CNTNAP4: variants seen among roughly 807,000 people sequenced by gnomAD.
The protein encoded by CNTNAP4 is contactin associated protein family member 4.
CNTNAP4 carries 98 observed loss-of-function variants against 148.4 expected under a neutral mutation model. The observed-to-expected ratio is 0.66, with a 90% CI of 0.56 to 0.78. CNTNAP4 has a LOEUF of 0.78. CNTNAP4 is among the 30% of genes least tolerant of loss of function. The pLI is 0.00. For synonymous variants in CNTNAP4, 730 were observed against 565.1 expected, an observed-to-expected ratio of 1.29 and a Z score of -4.14; for missense variants, 1,935 against 1,565.6, an observed-to-expected ratio of 1.24 and a Z score of -3.98.
intron 3 of CNTNAP4, among the ~76,000 whole-genome samples, chr16:76,419,366 C>T (rs1276572703): frequency 1.3e-5 from 2 of 151,994 alleles, no homozygotes; most frequent in African/African-American, 4.8e-5. Flanking sequence ...CCTGAGCATA[C>T]TTCACAGTCA....
chr16:76,288,711 C>T (rs1409176774), intron 1 of CNTNAP4, among the ~76,000 whole-genome samples: 1 of 152,150 alleles, frequency 6.6e-6, no homozygotes, highest in Non-Finnish European at 1.5e-5. Flanking sequence ...TCTGCAACAT[C>T]TAGCACAGTG....
chr16:76,339,821 C>T (rs1280314969), intron 2 of CNTNAP4, among the ~76,000 whole-genome samples: 4 of 152,158 alleles, frequency 2.6e-5, no homozygotes, highest in African/African-American at 4.8e-5. Context: ...TCAAATATGT[C>T]CATGGCTTTC....
At chr16:76,357,274 C>T (rs1259467188) in intron 3 of CNTNAP4, among the ~76,000 whole-genome samples, 1 of 152,110 alleles carries the variant, frequency 6.6e-6, no homozygotes, top group African/African-American at 2.4e-5. Context: ...TAAGTAGTGG[C>T]TAATGCATGC....
rs745772075 is a variant in CNTNAP4 at position 76,388,475 on chromosome 16, G to A, written c.390+32964G>A. The stretch of plus-strand genomic sequence containing the variant: ...AGTAAATGGATTTGAAACAAATGAA[G>A]GAAACATTGATATGGATTTCTAGTG... On this transcript the variant is annotated intron_variant, in intron 3 of 23. Transcript: ENST00000611870. 9.2e-5 allele frequency among the ~76,000 whole-genome samples: 14 copies of A among 152,244 alleles called. No individual in the cohort carries two copies. In the East Asian group the frequency reaches 9.6e-4, roughly 10 times the overall value.
intron 17 of CNTNAP4, among the ~76,000 whole-genome samples, chr16:76,526,229 A>G (rs1185397491): frequency 6.6e-6 from 1 of 152,168 alleles, no homozygotes; most frequent in Non-Finnish European, 1.5e-5. Flanking sequence ...ATTCCAGGCC[A>G]TGGCTCAAAG....
intron 23 of CNTNAP4, among the ~76,000 whole-genome samples, chr16:76,556,431 C>T (rs1171130583): frequency 6.6e-6 from 1 of 152,168 alleles, no homozygotes; most frequent in Non-Finnish European, 1.5e-5. Flanking sequence ...TGACATAGCA[C>T]TTTCCCCAAA....
intron 4 of CNTNAP4, among the ~76,000 whole-genome samples, chr16:76,446,552 A>G (rs2080254150): frequency 6.6e-6 from 1 of 152,204 alleles, no homozygotes; most frequent in South Asian, 2.1e-4. Context: ...AGTAAGAGTG[A>G]TTTTGACAAT....
Position 76,296,599 on chromosome 16 carries a change from T to C in CNTNAP4, c.85+18852T>C, listed in dbSNP as rs141229878. On this transcript the variant is annotated intron_variant, in intron 1 of 23. Transcript: ENST00000611870. ...AAGTATGTTCTAGAACACAGGCATA[T>C]AAAGATATAGAGATGCTGATCTCAA... Among the ~76,000 whole-genome samples, 82 of 152,160 alleles carry C rather than the reference T, an allele frequency of 5.4e-4. 1 individual carries two copies. In the East Asian group the frequency reaches 0.015, roughly 28 times the overall value.
At chr16:76,430,178 G>T (rs1362944538) in intron 4 of CNTNAP4, among the ~76,000 whole-genome samples, 1 of 152,110 alleles carries the variant, frequency 6.6e-6, no homozygotes, top group East Asian at 1.9e-4. Context: ...ATATTATATA[G>T]CCATCATTTA....
chr16:76,539,500 A>C (rs1448186484), intron 19 of CNTNAP4, among the ~76,000 whole-genome samples: 1 of 152,102 alleles, frequency 6.6e-6, no homozygotes, highest in Non-Finnish European at 1.5e-5. Flanking sequence ...AAAGATTTGC[A>C]GGAAAGAGAG....
chr16:76,333,538 G>A (rs1420523382), intron 2 of CNTNAP4, among the ~76,000 whole-genome samples: 1 of 151,966 alleles, frequency 6.6e-6, no homozygotes, highest in Non-Finnish European at 1.5e-5. Flanking sequence ...AGCTCTTTGA[G>A]CGTATTAAAG....
chr16:76,544,858 T>C (rs2144329509), intron 21 of CNTNAP4, among the ~76,000 whole-genome samples: 1 of 152,242 alleles, frequency 6.6e-6, no homozygotes, highest in African/African-American at 2.4e-5. Context: ...ATTACTGCAG[T>C]GGAGATTTAG....
intron 3 of CNTNAP4, among the ~76,000 whole-genome samples, chr16:76,394,622 A>T (rs1033120499): frequency 6.6e-6 from 1 of 152,224 alleles, no homozygotes; most frequent in Non-Finnish European, 1.5e-5. Flanking sequence ...GTTTATAATG[A>T]AAGTTTTCAC....
rs555095149 is a variant in CNTNAP4, at chr16:76,425,528, C to T, written c.391-1924C>T. On this transcript the variant is annotated intron_variant, in intron 3 of 23. Coordinates refer to ENST00000611870, the MANE Select transcript of CNTNAP4 (RefSeq NM_033401.5). ...ATAAGATAAACAGGCAGATAATGAT[C>T]AAATAAGAGAAATCCCTCTTAAAAT... is the stretch of plus-strand genomic sequence containing the variant. Among the ~76,000 whole-genome samples the T allele has an allele frequency of 4.6e-5, 7 of 151,968 alleles. No homozygotes were observed. The South Asian group carries it at 1.5e-3, about 32-fold the overall frequency.
intron 1 of CNTNAP4, among the ~76,000 whole-genome samples, chr16:76,310,704 A>G (rs911943351): frequency 6.6e-5 from 10 of 152,190 alleles, no homozygotes; most frequent in Non-Finnish European, 1.5e-4. Flanking sequence ...ATTCATTAGC[A>G]GGCATGCAAC....
At chr16:76,299,827 A>C (rs533319611) in intron 1 of CNTNAP4, among the ~76,000 whole-genome samples, 1 of 152,128 alleles carries the variant, frequency 6.6e-6, no homozygotes, top group Non-Finnish European at 1.5e-5. Flanking sequence ...AAAAAATGAT[A>C]AGTTCATGTC....
At chr16:76,532,261 A>G (rs1220360866) in intron 17 of CNTNAP4, among the ~76,000 whole-genome samples, 2 of 152,188 alleles carry the variant, frequency 1.3e-5, no homozygotes, top group African/African-American at 2.4e-5. Flanking sequence ...GTGAAGTGCA[A>G]AGAAACTTCC....
chr16:76,522,652 C>T (rs1209381841), intron 17 of CNTNAP4, among the ~76,000 whole-genome samples: 1,645 of 66,062 alleles, frequency 0.025, 172 homozygotes, highest in Non-Finnish European at 0.031. Context: ...TTTCTTTTCT[C>T]TCTTTCTCTC....
At chr16:76,390,697 T>A (rs1318401696) in intron 3 of CNTNAP4, among the ~76,000 whole-genome samples, 1 of 152,214 alleles carries the variant, frequency 6.6e-6, no homozygotes, top group Non-Finnish European at 1.5e-5. Flanking sequence ...AGGTTGTCCC[T>A]GCCCTTATTA....
Sources: allele counts gnomAD v4.1 joint callset (sites outside exome capture counted in the v4.1 genomes callset), GRCh38; gene constraint gnomAD v4.1.1; transcripts MANE v1.5; gene names NCBI Gene and HGNC (gene_info 2026-07-23, HGNC 2026-07-21).